The following ARHGAP10 variants were observed in gnomAD, a reference collection of about 807,000 sequenced individuals.
ARHGAP10 encodes the protein rho GTPase-activating protein 10.
ARHGAP10 carries 87 observed loss-of-function variants against 108.6 expected under a neutral mutation model. The ratio of observed to expected loss-of-function variants is 0.80; its 90% CI spans 0.67 to 0.96. ARHGAP10 has a LOEUF of 0.96. Among genes scored for constraint, ARHGAP10 ranks in the 40% least tolerant of loss-of-function variants. ARHGAP10 has a pLI of 0.00. For synonymous variants in ARHGAP10, 347 were observed against 341.1 expected (o/e 1.02, Z -0.19); for missense variants, 939 against 954.5 (o/e 0.98, Z 0.21).
chr4:147,790,279 A>G (rs552221374), intron 1 of ARHGAP10, among the ~76,000 whole-genome samples: 7 of 152,180 alleles, frequency 4.6e-5, no homozygotes, highest in Admixed American at 1.3e-4. Flanking sequence ...GGTGGGCTTC[A>G]CCTTTGTGAC....
At chr4:147,895,413 T>C (rs1392378075) in intron 10 of ARHGAP10, among the ~76,000 whole-genome samples, 1 of 150,636 alleles carries the variant, frequency 6.6e-6, no homozygotes, top group Non-Finnish European at 1.5e-5. Flanking sequence ...GGTTGACACC[T>C]GTAATCCCAG....
chr4:147,909,705 TTC>T (rs1202386821), intron 11 of ARHGAP10, 25 bp from the exon 12 acceptor site: 1 of 1,594,230 alleles, frequency 6.3e-7, no homozygotes, highest in Non-Finnish European at 8.6e-7. Flanking sequence ...GATTAAAAAA[TTC>T]TGTTTTTCCA....
At chr4:148,029,702 G>A (rs1386710208) in intron 19 of ARHGAP10, among the ~76,000 whole-genome samples, 1 of 152,104 alleles carries the variant, frequency 6.6e-6, no homozygotes, top group Non-Finnish European at 1.5e-5. Flanking sequence ...GTGGGCTCTG[G>A]ATAATAACTT....
At chr4:148,028,056 C>T (rs1044371511) in intron 19 of ARHGAP10, among the ~76,000 whole-genome samples, 1 of 152,106 alleles carries the variant, frequency 6.6e-6, no homozygotes, top group African/African-American at 2.4e-5. Flanking sequence ...TTCTGTTTGT[C>T]ACTGCAGTGA....
chr4:148,004,070 A>C (rs1453166328), intron 18 of ARHGAP10, among the ~76,000 whole-genome samples: 1 of 147,748 alleles, frequency 6.8e-6, no homozygotes, highest in African/African-American at 2.6e-5. Context: ...TCAAAGCTTG[A>C]AATGCACTTA....
chr4:148,014,363 C>T (rs1326346748), intron 18 of ARHGAP10, among the ~76,000 whole-genome samples: 1 of 152,096 alleles, frequency 6.6e-6, no homozygotes, highest in Non-Finnish European at 1.5e-5. Flanking sequence ...TTTGCAGGTG[C>T]AAATTGATAA....
At chr4:147,827,485 A>G (rs1465059092) in intron 3 of ARHGAP10, among the ~76,000 whole-genome samples, 1 of 152,220 alleles carries the variant, frequency 6.6e-6, no homozygotes, top group Non-Finnish European at 1.5e-5. Context: ...CTGTTAGGAA[A>G]GGGTTTATGG....
chr4:147,798,763 CTCTCTCTCTCTCTCTCTCTATATA>C (rs1363930943), intron 1 of ARHGAP10, among the ~76,000 whole-genome samples: 94 of 15,100 alleles, frequency 6.2e-3, no homozygotes, highest in Non-Finnish European at 0.011. Flanking sequence ...CTCTCTCTCT[CTCTCTCTCTCTCTCTCTCTATATA>C]TATATATATA....
rs373408868 is a variant in ARHGAP10, at chr4:148,057,206, G to A, written c.2028-5942G>A. ...AGCTGGCACTCAGCCAACAATGATA[G>A]TGCCAGCTCTGGCACCCAGGTCTCT... On this transcript the variant is annotated intron_variant, in intron 20 of 22. Transcript: ENST00000336498. Among the ~76,000 whole-genome samples, 7 of 152,346 alleles carry A rather than the reference G, an allele frequency of 4.6e-5. No individual in the cohort carries two copies. The South Asian group carries it at 1.4e-3, about 32-fold the overall frequency.
intron 19 of ARHGAP10, among the ~76,000 whole-genome samples, chr4:148,042,590 G>A (rs1240803731): frequency 6.6e-6 from 1 of 152,036 alleles, no homozygotes; most frequent in Non-Finnish European, 1.5e-5. Flanking sequence ...CCTGTCTTTC[G>A]CTCCTGACAC....
At chr4:147,945,846 A>T (rs1578719682) in intron 14 of ARHGAP10, among the ~76,000 whole-genome samples, 1 of 152,258 alleles carries the variant, frequency 6.6e-6, no homozygotes, top group East Asian at 1.9e-4. Flanking sequence ...GGAGAGTGGA[A>T]CTTATTAAGC....
intron 20 of ARHGAP10, among the ~76,000 whole-genome samples, chr4:148,060,756 C>A (rs758151152): frequency 6.6e-6 from 1 of 152,114 alleles, no homozygotes; most frequent in Non-Finnish European, 1.5e-5. Context: ...CTGAGACACA[C>A]CCAGGAAATC....
chr4:148,023,615 A>G (rs904237499), intron 19 of ARHGAP10, among the ~76,000 whole-genome samples: 4 of 152,164 alleles, frequency 2.6e-5, no homozygotes, highest in Non-Finnish European at 5.9e-5. Flanking sequence ...TGTCTTTGTT[A>G]TGCATGGTTC....
At chr4:147,936,160 C>G (rs1737924651) in intron 13 of ARHGAP10, among the ~76,000 whole-genome samples, 1 of 152,124 alleles carries the variant, frequency 6.6e-6, no homozygotes, top group East Asian at 1.9e-4. Flanking sequence ...TTTAAACTAT[C>G]TGGATGTGCC....
At chr4:148,005,299 A>G (rs1227818785) in intron 18 of ARHGAP10, among the ~76,000 whole-genome samples, 2 of 152,186 alleles carry the variant, frequency 1.3e-5, no homozygotes, top group Non-Finnish European at 2.9e-5. Context: ...ACATACATAT[A>G]TAAGCTAGGT....
intron 1 of ARHGAP10, among the ~76,000 whole-genome samples, chr4:147,785,747 G>A (rs537186208): frequency 6.6e-6 from 1 of 152,132 alleles, no homozygotes; most frequent in East Asian, 1.9e-4. Flanking sequence ...TGGCCAATTA[G>A]TGTGGATTTT....
chr4:147,772,996 C>T (rs755619897), intron 1 of ARHGAP10, among the ~76,000 whole-genome samples: 13 of 152,118 alleles, frequency 8.5e-5, no homozygotes, highest in East Asian at 1.9e-4. Context: ...AAGATTTTGA[C>T]GGAACTCCTG....
chr4:147,971,572 T>C (rs969335568), intron 18 of ARHGAP10, among the ~76,000 whole-genome samples: 1 of 152,136 alleles, frequency 6.6e-6, no homozygotes, highest in Non-Finnish European at 1.5e-5. Flanking sequence ...CAGGTGGAGA[T>C]GTTTTAAGAG....
chr4:148,004,641 A>C (rs766852554), intron 18 of ARHGAP10, among the ~76,000 whole-genome samples: 6 of 152,220 alleles, frequency 3.9e-5, no homozygotes, highest in Non-Finnish European at 5.9e-5. Flanking sequence ...GGCAGCCGCC[A>C]GCCCATAGTC....
Sources: allele counts gnomAD v4.1 joint callset (sites outside exome capture counted in the v4.1 genomes callset), GRCh38; gene constraint gnomAD v4.1.1; transcripts MANE v1.5; gene names NCBI Gene and HGNC (gene_info 2026-07-23, HGNC 2026-07-21).